AKR1C3: variants seen among roughly 807,000 people sequenced by gnomAD.
AKR1C3 encodes the protein aldo-keto reductase family 1 member C3.
A neutral mutation model predicts 43.6 loss-of-function variants in AKR1C3; 48 were observed. That is an observed-to-expected ratio of 1.10 (90% CI 0.87 to 1.40). The LOEUF is 1.40. Among genes scored for constraint, AKR1C3 ranks in the 40% most tolerant of loss-of-function variants. AKR1C3 has a pLI of 0.00. For missense variants in AKR1C3, 482 were observed against 391.2 expected, an observed-to-expected ratio of 1.23 and a Z score of -1.96; for synonymous variants, 162 against 139.6, an observed-to-expected ratio of 1.16 and a Z score of -1.13.
rs988201421 is a variant in AKR1C3 at position 5,054,189 on chromosome 10, G to A, written c.84+5294G>A. Reference sequence around the variant, plus strand: ...CAGTGAGGAGGTCTAGGCCTCAGCAGTTTTGGAGAGTCACTGCTGCCAAAG... The same window carrying A: ...CAGTGAGGAGGTCTAGGCCTCAGCAATTTTGGAGAGTCACTGCTGCCAAAG... On this transcript the variant is annotated intron_variant, in intron 1 of 8. Transcript: ENST00000439082. Among the ~76,000 whole-genome samples, 14 of 152,352 alleles carry A rather than the reference G, an allele frequency of 9.2e-5. No individual in the cohort carries two copies. The East Asian group carries it at 2.7e-3, about 29-fold the overall frequency.
intron 1 of AKR1C3, among the ~76,000 whole-genome samples, chr10:5,053,742 G>T (rs1838202868): frequency 6.6e-6 from 1 of 152,232 alleles, no homozygotes; most frequent in African/African-American, 2.4e-5. Context: ...CTGCTGGATA[G>T]GGGTAATGAA....
rs551649351 is a variant in AKR1C3, at chr10:5,099,663, G to A, written c.570+214G>A. 5.8e-4 allele frequency: 465 copies of A among 806,098 alleles called. 2 individuals carry two copies. Among genetic ancestry groups the A allele is most frequent in the Middle Eastern group, 1.0e-3 (4 of 3,824 alleles). The allele number at this position is 806,098 out of a possible 1,614,324, so 49.9% of individuals were successfully genotyped here. On this transcript the variant is annotated intron_variant, in intron 5 of 8. Transcript: ENST00000380554. The stretch of plus-strand genomic sequence containing the variant: ...ATTGGAATGAGTTTAATGCTGAATC[G>A]TGTGTAATATTTAGGGGAGGTCCAT...
At chr10:5,078,056 A>G in intron 1 of AKR1C3, 1 of 638,430 alleles carries the variant, frequency 1.6e-6, no homozygotes, top group Non-Finnish European at 2.8e-6. Flanking sequence ...AAATGGAAAT[A>G]CCATTACAAA....
At chr10:5,099,123 C>G (rs1554785592) in intron 4 of AKR1C3, among the ~76,000 whole-genome samples, 1 of 152,188 alleles carries the variant, frequency 6.6e-6, no homozygotes, top group Non-Finnish European at 1.5e-5. Flanking sequence ...ATCCAGTTTC[C>G]TAAGGAAGAG....
chr10:5,101,911 C>T (rs1839359711), intron 5 of AKR1C3, among the ~76,000 whole-genome samples, 190 bp from the exon 6 acceptor site: 1 of 152,120 alleles, frequency 6.6e-6, no homozygotes, highest in African/African-American at 2.4e-5. Context: ...TCAGAAATGG[C>T]ATTTCCATTT....
intron 1 of AKR1C3, among the ~76,000 whole-genome samples, chr10:5,060,326 T>G (rs568028540): frequency 1.3e-4 from 20 of 152,316 alleles, no homozygotes; most frequent in African/African-American, 2.4e-4. Flanking sequence ...TTGTTCCATT[T>G]TACAGAGAGC....
intron 3 of AKR1C3, 122 bp downstream of exon 3, chr10:5,097,672 C>A: frequency 1.3e-6 from 2 of 1,563,320 alleles, no homozygotes; most frequent in South Asian, 2.4e-5. Flanking sequence ...GAAGAAGAAC[C>A]GTAAGTGGAA....
intron 7 of AKR1C3, among the ~76,000 whole-genome samples, chr10:5,103,531 C>G (rs10795245): frequency 0.45 from 68,481 of 151,942 alleles, 16,362 homozygotes; most frequent in East Asian, 0.86. Context: ...CTGTTCTTGG[C>G]TGGGCTCTCT....
chr10:5,069,741 G>C (rs1303867419), intron 1 of AKR1C3, among the ~76,000 whole-genome samples: 1 of 152,108 alleles, frequency 6.6e-6, no homozygotes, highest in Non-Finnish European at 1.5e-5. Context: ...CAGCATGGTG[G>C]CAGGCACCTG....
intron 1 of AKR1C3, among the ~76,000 whole-genome samples, chr10:5,069,389 T>C (rs111376522): frequency 5.6e-4 from 85 of 152,358 alleles, no homozygotes; most frequent in Non-Finnish European, 7.5e-4. Flanking sequence ...TGAAAGTATA[T>C]TCAACATGCT....
At chr10:5,102,057 C>G in intron 5 of AKR1C3, 44 bp from the exon 6 acceptor site, 1 of 1,199,152 alleles carries the variant, frequency 8.3e-7, no homozygotes, top group Non-Finnish European at 1.2e-6. Context: ...ATTAACATAA[C>G]TATTTCATAT....
At chr10:5,099,620 GA>G in intron 5 of AKR1C3, 171 bp downstream of exon 5, 2 of 1,238,368 alleles carry the variant, frequency 1.6e-6, no homozygotes, top group African/African-American at 1.5e-5. Context: ...ACCCTGCTTG[GA>G]AAAGTATTAG....
chr10:5,093,632 G>GT (rs34070010), upstream of AKR1C3: 1 of 152,070 alleles, frequency 6.6e-6, no homozygotes, highest in Non-Finnish European at 1.5e-5. Context: ...ATGGTTATCA[G>GT]TTTTTTGGCT....
At chr10:5,107,284 TTTA>T (rs1554787472) in intron 8 of AKR1C3, among the ~76,000 whole-genome samples, 174 bp from the exon 9 acceptor site, 3 of 152,190 alleles carry the variant, frequency 2.0e-5, no homozygotes, top group African/African-American at 7.2e-5. Flanking sequence ...GATTGAATAA[TTTA>T]TTATTTTGAA....
rs782555678 is a variant in AKR1C3 at position 5,096,490 on chromosome 10, C to T, written c.165C>T (p.Tyr55=). The T allele has an allele frequency of 6.8e-6, 11 of 1,613,764 alleles. No individual in the cohort carries two copies. In the East Asian group the frequency reaches 1.3e-4, roughly 20 times the overall value. ...GCCATATAGATTCTGCTCATTTATA[C>T]AATAATGAGGAGCAGGTTGGACTGG... is the stretch of plus-strand genomic sequence containing the variant. ...GFRHIDSAHL[Y]NNEEQVGLAI... is the part of the protein sequence containing the mutation. Residue 55 remains tyrosine (Y), a synonymous_variant, in exon 2 of 9, where the codon TAC becomes TAT. Coordinates refer to ENST00000380554, the MANE Select transcript of AKR1C3 (RefSeq NM_003739.6).
intron 8 of AKR1C3, among the ~76,000 whole-genome samples, chr10:5,106,959 A>C (rs935654853): frequency 3.3e-5 from 5 of 152,208 alleles, no homozygotes; most frequent in Admixed American, 2.6e-4. Flanking sequence ...AGTAGCGAGC[A>C]TGAGTAATTC....
In AKR1C3 at chr10:5,102,146, T is replaced by C; in HGVS notation, c.616T>C (p.Cys206Arg). The C allele has an allele frequency of 1.2e-6, 2 of 1,614,148 alleles. No individual in the cohort carries two copies. Among genetic ancestry groups the C allele is most frequent in the Non-Finnish European group, 1.7e-6 (2 of 1,179,990 alleles). ...YFNRSKLLDF[C>R]KSKDIVLVAY... ...CAACCGGAGTAAATTGCTAGATTTC[T>C]GCAAGTCGAAAGATATTGTTCTGGT... The change falls in exon 6 of 9, where the codon TGC becomes CGC. Residue 206 changes from cysteine to arginine, a missense_variant. Cys to Arg is a radical substitution (Grantham distance 180, BLOSUM62 -3). Transcript: ENST00000380554.
chr10:5,085,051 T>C (rs1171464582), intron 1 of AKR1C3, among the ~76,000 whole-genome samples: 1 of 152,198 alleles, frequency 6.6e-6, no homozygotes, highest in East Asian at 1.9e-4. Flanking sequence ...CTTCTTTTCC[T>C]AATTGAATAC....
intron 1 of AKR1C3, among the ~76,000 whole-genome samples, chr10:5,072,416 C>G (rs1721509340): frequency 6.6e-6 from 1 of 152,132 alleles, no homozygotes; most frequent in East Asian, 1.9e-4. Context: ...GAGACCTTTT[C>G]TTCTATGCTC....
Sources: gnomAD v4.1 joint callset for allele counts (sites outside exome capture counted in the v4.1 genomes callset) on GRCh38, gnomAD v4.1.1 for gene constraint, MANE v1.5 for transcripts, NCBI Gene and HGNC (gene_info 2026-07-23, HGNC 2026-07-21) for gene names.